TEAD1: variants seen among roughly 807,000 people sequenced by gnomAD.
TEAD1 encodes the protein TEA domain transcription factor 1.
In TEAD1, 9 loss-of-function variants were observed where a neutral mutation model predicts 54.9. The observed-to-expected ratio is 0.16, with a 90% confidence interval of 0.10 to 0.29. The LOEUF (loss-of-function observed/expected upper bound fraction) is 0.29. Among genes scored for constraint, TEAD1 ranks in the 10% least tolerant of loss-of-function variants. TEAD1 has a pLI of 1.00. For missense variants in TEAD1, 387 were observed against 535.9 expected, an observed-to-expected ratio of 0.72 and a Z score of 2.74; for synonymous variants, 200 against 187.8, an observed-to-expected ratio of 1.07 and a Z score of -0.53.
At chr11:12,706,838 T>C (rs1224071667) in intron 2 of TEAD1, among the ~76,000 whole-genome samples, 7 of 152,164 alleles carry the variant, frequency 4.6e-5, no homozygotes, top group Non-Finnish European at 1.0e-4. Context: ...AGTCATATCC[T>C]CTCACCATCT....
At chr11:12,892,877 C>T (rs148108328) in intron 9 of TEAD1, among the ~76,000 whole-genome samples, 1 of 152,250 alleles carries the variant, frequency 6.6e-6, no homozygotes, top group East Asian at 1.9e-4. Flanking sequence ...TCCTTCTCTC[C>T]TGTAATTCAG....
chr11:12,806,259 A>G (rs1196851891), intron 3 of TEAD1, among the ~76,000 whole-genome samples: 1 of 152,132 alleles, frequency 6.6e-6, no homozygotes, highest in Non-Finnish European at 1.5e-5. Context: ...GTTCATATGG[A>G]TGCTGCAGAT....
chr11:12,935,700 C>T (rs750677608), intron 12 of TEAD1, among the ~76,000 whole-genome samples: 7 of 152,186 alleles, frequency 4.6e-5, no homozygotes, highest in Non-Finnish European at 1.0e-4. Context: ...CCTTGTGATC[C>T]ACCTGCATTG....
chr11:12,925,160 C>G (rs911324798), intron 11 of TEAD1, 108 bp downstream of exon 11: 62 of 1,278,990 alleles, frequency 4.8e-5, no homozygotes, highest in Non-Finnish European at 6.5e-5. Flanking sequence ...TGCTTCTTAC[C>G]TTCTGTATTA....
At chr11:12,751,937 T>C (rs1460942181) in intron 2 of TEAD1, among the ~76,000 whole-genome samples, 1 of 152,206 alleles carries the variant, frequency 6.6e-6, no homozygotes, top group Non-Finnish European at 1.5e-5. Context: ...GGCCAATGGC[T>C]TGACCACGAG....
intron 3 of TEAD1, among the ~76,000 whole-genome samples, chr11:12,843,279 T>G (rs567069528): frequency 6.6e-6 from 1 of 152,138 alleles, no homozygotes; most frequent in Non-Finnish European, 1.5e-5. Flanking sequence ...ATAGATCCCC[T>G]CAGATTGGAA....
At position 12,864,833 on chromosome 11, in the gene TEAD1, T is replaced by G. The variant is rs1947583726; in HGVS notation, c.268-5T>G. 16 of 1,614,022 alleles carry G rather than the reference T, an allele frequency of 9.9e-6. No individual in the cohort carries two copies. The highest frequency in any genetic ancestry group is 1.3e-5 in the Non-Finnish European group (15 of 1,180,004). ...TTTGTTTTCCTCCCTTCCCCTACCC[T>G]GCAGGTGTCTAGTCACATTCAGGTT... On this transcript the variant is annotated splice_polypyrimidine_tract_variant and splice_region_variant and intron_variant, in intron 4 of 12. Transcript: ENST00000527636.
chr11:12,845,391 T>TGC (rs1564961237), intron 3 of TEAD1, among the ~76,000 whole-genome samples: 1 of 151,906 alleles, frequency 6.6e-6, no homozygotes, highest in Non-Finnish European at 1.5e-5. Context: ...CGTGTGTGTG[T>TGC]GCGCACACGC....
intron 3 of TEAD1, among the ~76,000 whole-genome samples, chr11:12,774,274 G>A (rs1286808153): frequency 1.3e-5 from 2 of 152,168 alleles, no homozygotes; most frequent in African/African-American, 4.8e-5. Context: ...CGATGGACAT[G>A]GGAGATGAGG....
At chr11:12,757,322 C>T (rs1333876560) in intron 2 of TEAD1, among the ~76,000 whole-genome samples, 2 of 152,120 alleles carry the variant, frequency 1.3e-5, no homozygotes, top group African/African-American at 4.8e-5. Context: ...TATCTCTTTC[C>T]CTGTAGCTGT....
intron 2 of TEAD1, among the ~76,000 whole-genome samples, chr11:12,759,813 G>T (rs1196269406): frequency 6.6e-6 from 1 of 152,192 alleles, no homozygotes; most frequent in Non-Finnish European, 1.5e-5. Context: ...AGTGAGCTGA[G>T]ATCGTGCCAC....
intron 2 of TEAD1, among the ~76,000 whole-genome samples, chr11:12,680,018 C>A (rs373600381): frequency 4.1e-5 from 6 of 146,444 alleles, no homozygotes; most frequent in African/African-American, 1.3e-4. Flanking sequence ...TATTTTATTA[C>A]CATCTGCAAA....
At chr11:12,886,237 T>A (rs1307845791) in intron 9 of TEAD1, among the ~76,000 whole-genome samples, 3 of 152,186 alleles carry the variant, frequency 2.0e-5, no homozygotes, top group African/African-American at 7.2e-5. Flanking sequence ...AGGCCAGAGA[T>A]AAGTGTTTCA....
intron 3 of TEAD1, among the ~76,000 whole-genome samples, chr11:12,821,269 A>G (rs1946539541): frequency 6.6e-6 from 1 of 152,204 alleles, no homozygotes. Flanking sequence ...GCCATTTCTT[A>G]TATGAAAACG....
rs755045806 is a variant in TEAD1, at chr11:12,878,855, A to T, written c.331-853A>T. 3.2e-6 allele frequency: 4 copies of T among 1,265,772 alleles called. No homozygotes were observed. The African/African-American group carries it at 6.2e-5, about 20-fold the overall frequency. 78.4% of individuals were successfully genotyped at this position (1,265,772 alleles called of 1,614,324 possible). A position where few individuals can be genotyped will look rare whatever the true frequency, so the allele number is the denominator to read the frequency against. On this transcript the variant is annotated intron_variant, in intron 5 of 12. Coordinates refer to ENST00000527636, the MANE Select transcript of TEAD1 (RefSeq NM_021961.6). ...AAGAAAAAAAATCCCTTTTTATGCA[A>T]TCCTTTTAACAAATTGTTTATTATT...
chr11:12,778,462 AT>A (rs1945475072), intron 3 of TEAD1, among the ~76,000 whole-genome samples: 2 of 150,826 alleles, frequency 1.3e-5, no homozygotes, highest in Non-Finnish European at 2.9e-5. Flanking sequence ...GGCAGAGCTA[AT>A]TTTTCCCTCT....
chr11:12,692,084 GC>G (rs1358621163), intron 2 of TEAD1, among the ~76,000 whole-genome samples: 4 of 152,116 alleles, frequency 2.6e-5, no homozygotes. Flanking sequence ...ATAGTAGTAG[GC>G]CTGCAAGTCT....
chr11:12,834,892 C>T (rs1207543044), intron 3 of TEAD1, among the ~76,000 whole-genome samples: 3 of 151,890 alleles, frequency 2.0e-5, no homozygotes, highest in Non-Finnish European at 2.9e-5. Flanking sequence ...GCTGAGATTA[C>T]AGAGCAATTA....
chr11:12,806,453 C>T (rs368701365), intron 3 of TEAD1, among the ~76,000 whole-genome samples: 1 of 151,730 alleles, frequency 6.6e-6, no homozygotes, highest in African/African-American at 2.4e-5. Context: ...AGTCTTGGGT[C>T]CTTGGTCGAT....
Sources: allele counts gnomAD v4.1 joint callset (sites outside exome capture counted in the v4.1 genomes callset), GRCh38; gene constraint gnomAD v4.1.1; transcripts MANE v1.5; gene names NCBI Gene and HGNC (gene_info 2026-07-23, HGNC 2026-07-21).